The following PDE1A variants were observed in gnomAD, a reference collection of about 807,000 sequenced individuals.
The protein encoded by PDE1A is phosphodiesterase 1A.
In PDE1A, 35 loss-of-function variants were observed where a neutral mutation model predicts 61.7. That is an observed-to-expected ratio of 0.57 (90% CI 0.43 to 0.75). The LOEUF (loss-of-function observed/expected upper bound fraction) is 0.75. PDE1A is among the 30% of genes least tolerant of loss of function. PDE1A has a pLI of 0.00. For synonymous variants in PDE1A, 232 were observed against 213.2 expected, an observed-to-expected ratio of 1.09 and a Z score of -0.77; for missense variants, 597 against 630.6, an observed-to-expected ratio of 0.95 and a Z score of 0.57.
At position 182,502,017 on chromosome 2, in the gene PDE1A, C is replaced by T. The variant is rs532142902; in HGVS notation, c.101+20259G>A. Among the ~76,000 whole-genome samples, 6 of 152,258 alleles carry T rather than the reference C, an allele frequency of 3.9e-5. No homozygotes were observed. The South Asian group carries it at 6.2e-4, about 16-fold the overall frequency. The stretch of plus-strand genomic sequence containing the variant: ...AGGGACACAGATCTGACTTTAAATA[C>T]GACACCGCTGGCAGGCCCTCAGACT... On this transcript the variant is annotated intron_variant, in intron 2 of 14. Transcript: ENST00000410103.
At position 182,418,984 on chromosome 2, in the gene PDE1A, C is replaced by T. The variant is rs539867479; in HGVS notation, c.53+7594G>A. 4.6e-5 allele frequency among the ~76,000 whole-genome samples: 7 copies of T among 151,880 alleles called. No homozygotes were observed. The East Asian group carries it at 1.2e-3, about 25-fold the overall frequency. ...TTTGGGAAGATTTACAAACTGCAAT[C>T]GCTGATACAATTGTCTTCAATGTTT... is the stretch of plus-strand genomic sequence containing the variant. On this transcript the variant is annotated intron_variant, in intron 1 of 13. Coordinates refer to ENST00000351439, the Ensembl canonical transcript of PDE1A.
intron 2 of PDE1A, among the ~76,000 whole-genome samples, chr2:182,492,248 A>G (rs887878678): frequency 6.6e-6 from 1 of 152,160 alleles, no homozygotes; most frequent in Non-Finnish European, 1.5e-5. Context: ...ATTTATACCA[A>G]TATCTAATTA....
At chr2:182,558,111 A>G in the PDE1A span, among the ~76,000 whole-genome samples, 1 of 152,182 alleles carries the variant, frequency 6.6e-6, no homozygotes, top group Non-Finnish European at 1.5e-5. Flanking sequence ...ATTGATGTAT[A>G]TCATTTTGTA....
the PDE1A span, among the ~76,000 whole-genome samples, chr2:182,654,433 A>G: frequency 6.6e-6 from 1 of 152,138 alleles, no homozygotes; most frequent in African/African-American, 2.4e-5. Flanking sequence ...TGGTGTTGGG[A>G]GCTGGACTCA....
chr2:182,178,411 A>G (rs1280928654), intron 13 of PDE1A, among the ~76,000 whole-genome samples: 2 of 151,938 alleles, frequency 1.3e-5, no homozygotes, highest in Middle Eastern at 6.3e-3. Flanking sequence ...CATATTTTTC[A>G]CCCCCTATGA....
the PDE1A span, among the ~76,000 whole-genome samples, chr2:182,562,733 G>C: frequency 1.3e-5 from 2 of 152,014 alleles, no homozygotes; most frequent in African/African-American, 4.8e-5. Context: ...CAATTTCAGA[G>C]CCTGTTATTG....
chr2:182,632,787 A>C, the PDE1A span, among the ~76,000 whole-genome samples: 1 of 152,156 alleles, frequency 6.6e-6, no homozygotes, highest in East Asian at 1.9e-4. Flanking sequence ...AGCCCCCCAC[A>C]ATTTTAAATA....
the PDE1A span, among the ~76,000 whole-genome samples, chr2:182,541,187 A>G: frequency 6.6e-6 from 1 of 152,222 alleles, no homozygotes; most frequent in African/African-American, 2.4e-5. Context: ...TTTAAATGAA[A>G]AAGTTATATT....
At chr2:182,431,669 T>C (rs542701518), upstream of PDE1A, among the ~76,000 whole-genome samples, 1 of 152,252 alleles carries the variant, frequency 6.6e-6, no homozygotes, top group Admixed American at 6.5e-5. Flanking sequence ...TACAACTGAC[T>C]AAGAAGCTAG....
At chr2:182,590,225 A>C in the PDE1A span, among the ~76,000 whole-genome samples, 1 of 152,168 alleles carries the variant, frequency 6.6e-6, no homozygotes, top group Non-Finnish European at 1.5e-5. Context: ...CAGCAATTTA[A>C]GAGGCTGAGG....
chr2:182,644,913 A>G, the PDE1A span, among the ~76,000 whole-genome samples: 2 of 152,186 alleles, frequency 1.3e-5, no homozygotes, highest in Non-Finnish European at 2.9e-5. Flanking sequence ...AATTATTTCA[A>G]TTTTGAAAAG....
At chr2:182,712,657 T>C in the PDE1A span, among the ~76,000 whole-genome samples, 1 of 152,094 alleles carries the variant, frequency 6.6e-6, no homozygotes, top group Non-Finnish European at 1.5e-5. Context: ...CTCAGGTTCA[T>C]GCCATTCTCC....
At chr2:182,322,253 T>C (rs554479053) in intron 1 of PDE1A, among the ~76,000 whole-genome samples, 58 of 152,254 alleles carry the variant, frequency 3.8e-4, no homozygotes, top group African/African-American at 1.4e-3. Flanking sequence ...ACTCGAGACT[T>C]CATAGATTCC....
chr2:182,206,109 C>A, intron 7 of PDE1A, 44 bp from the exon 8 acceptor site: 1 of 1,543,458 alleles, frequency 6.5e-7, no homozygotes, highest in Non-Finnish European at 8.8e-7. Flanking sequence ...TTTCTTTAGA[C>A]ATCATGAATG....
chr2:182,518,983 G>T (rs988695561), intron 2 of PDE1A, among the ~76,000 whole-genome samples: 2 of 149,096 alleles, frequency 1.3e-5, no homozygotes, highest in Non-Finnish European at 3.0e-5. Flanking sequence ...TATGTTTAGA[G>T]AAAAAAAAAG....
intron 2 of PDE1A, among the ~76,000 whole-genome samples, chr2:182,457,145 A>G (rs1685979618): frequency 6.6e-6 from 1 of 152,082 alleles, no homozygotes; most frequent in Non-Finnish European, 1.5e-5. Flanking sequence ...CCATCTCAAG[A>G]AACAATTCCA....
At chr2:182,603,018 C>CATAT in the PDE1A span, among the ~76,000 whole-genome samples, 11 of 152,070 alleles carry the variant, frequency 7.2e-5, no homozygotes, top group Middle Eastern at 3.4e-3. Flanking sequence ...TACATACATA[C>CATAT]ATACATACAT....
the PDE1A span, among the ~76,000 whole-genome samples, chr2:182,602,313 C>G: frequency 6.6e-6 from 1 of 152,204 alleles, no homozygotes; most frequent in East Asian, 1.9e-4. Context: ...GCATGAAGCC[C>G]CAGCCATGTC....
At chr2:182,224,096 C>T in intron 6 of PDE1A, 132 bp from the exon 7 acceptor site, 1 of 601,060 alleles carries the variant, frequency 1.7e-6, no homozygotes, top group Admixed American at 3.4e-5. Context: ...TAATTTGTTT[C>T]CTATTTTACC....
Sources: allele counts gnomAD v4.1 joint callset (sites outside exome capture counted in the v4.1 genomes callset), GRCh38; gene constraint gnomAD v4.1.1; transcripts MANE v1.5; gene names NCBI Gene and HGNC (gene_info 2026-07-23, HGNC 2026-07-21).